Variants in E2F8 observed in about 807,000 individuals in gnomAD.
E2F8 encodes E2F transcription factor 8, also known as transcription factor E2F8.
E2F8 carries 35 observed loss-of-function variants against 80.8 expected under a neutral mutation model. The ratio of observed to expected loss-of-function variants is 0.43; its 90% CI spans 0.33 to 0.57. The LOEUF (loss-of-function observed/expected upper bound fraction) is 0.57. Ranked by LOEUF, E2F8 falls within the 20% of genes least tolerant of loss-of-function variation. The pLI is 0.04. For missense variants in E2F8, 975 were observed against 1,056.2 expected (o/e 0.92, Z 1.07); for synonymous variants, 386 against 395.0 (o/e 0.98, Z 0.27).
Position 19,225,794 on chromosome 11 carries a change from G to C in E2F8, c.1964C>G (p.Ser655Cys). Residue 655 changes from serine to cysteine, a missense_variant, in exon 11 of 13, where the codon TCT becomes TGT. Ser to Cys is a moderately radical substitution (Grantham distance 112). Coordinates refer to ENST00000250024, the MANE Select transcript of E2F8 (RefSeq NM_024680.4). ...AAGAGCACTTGAGTTTTCTTTACCA[G>C]ACAAAATGGACTCTGCCCCCAGGGA... Reference protein sequence around the residue: ...CSSLGAESILSGKENSSALSP... With the variant: ...CSSLGAESILCGKENSSALSP... The C allele has an allele frequency of 6.2e-7, 1 of 1,614,060 alleles. No individual in the cohort carries two copies. The highest frequency in any genetic ancestry group is 8.5e-7 in the Non-Finnish European group (1 of 1,180,004).
At chr11:19,230,501 C>A in intron 8 of E2F8, 130 bp downstream of exon 8, 1 of 1,229,040 alleles carries the variant, frequency 8.1e-7, no homozygotes, top group Non-Finnish European at 1.1e-6. Context: ...ATTAGTTAGG[C>A]TTCAAGAGGG....
chr11:19,230,323 T>C lies in E2F8; in HGVS notation c.1276A>G (p.Ser426Gly). 6.2e-7 allele frequency: 1 copy of C among 1,613,274 alleles called. No homozygotes were observed. The highest frequency in any genetic ancestry group is 1.1e-5 in the South Asian group (1 of 90,818). The change falls in exon 9 of 13, where the codon AGT becomes GGT. Residue 426 changes from serine (S) to glycine (G), a missense_variant. Physicochemically the swap from Ser to Gly is moderately conservative, Grantham distance 56. Transcript: ENST00000250024. ...GGGAAGGGTGCAGAATTCTGAGAAC[T>C]CTCAGCTGGTAAAATAGAAAGGAAG... Reference protein sequence around the residue: ...SSPIKTNKAESSQNSAPFPSK... With the variant: ...SSPIKTNKAEGSQNSAPFPSK...
intron 12 of E2F8, 92 bp from the exon 13 acceptor site, chr11:19,224,932 T>G: frequency 1.4e-5 from 20 of 1,436,296 alleles, no homozygotes; most frequent in Non-Finnish European, 1.9e-5. Flanking sequence ...GATGAATGTA[T>G]TGCACATTGG....
chr11:19,231,963 T>C (rs928342474), intron 7 of E2F8, among the ~76,000 whole-genome samples: 1 of 152,092 alleles, frequency 6.6e-6, no homozygotes, highest in African/African-American at 2.4e-5. Flanking sequence ...ATAAAGAAAA[T>C]GTGGTACATA....
Position 19,237,898 on chromosome 11 carries a change from A to G in E2F8, c.250T>C (p.Phe84Leu). 3.1e-6 allele frequency: 5 copies of G among 1,614,096 alleles called. No individual in the cohort carries two copies. Among genetic ancestry groups the G allele is most frequent in the Non-Finnish European group, 4.2e-6 (5 of 1,180,010 alleles). ...IRNRDQKRGL[F>L]DNRSGLPEAK... ...TCAGGTAATCCACTTCTGTTGTCAAACAAACCCCTTTTCTGATCTCTGTTG... is the reference window on the plus strand; with the variant it reads ...TCAGGTAATCCACTTCTGTTGTCAAGCAAACCCCTTTTCTGATCTCTGTTG... The change falls in exon 3 of 13, where the codon TTT (phenylalanine) becomes CTT (leucine). Residue 84 changes from phenylalanine (F) to leucine (L), a missense_variant. Phe to Leu is a conservative substitution (Grantham distance 22). Coordinates refer to ENST00000250024, the MANE Select transcript of E2F8 (RefSeq NM_024680.4).
chr11:19,225,099 T>A, intron 12 of E2F8, 122 bp downstream of exon 12: 11 of 1,397,262 alleles, frequency 7.9e-6, no homozygotes, highest in Non-Finnish European at 1.1e-5. Flanking sequence ...AGGCCTTCAA[T>A]CTCCTGACTT....
At chr11:19,233,497 C>CT (rs1028229347) in intron 6 of E2F8, among the ~76,000 whole-genome samples, 7 of 151,692 alleles carry the variant, frequency 4.6e-5, no homozygotes, top group Non-Finnish European at 7.4e-5. Context: ...CTAGTGTTTC[C>CT]TTTTTTTTGA....
chr11:19,235,571 C>T (rs1194456622), intron 4 of E2F8, among the ~76,000 whole-genome samples: 1 of 152,130 alleles, frequency 6.6e-6, no homozygotes, highest in East Asian at 1.9e-4. Flanking sequence ...ATGGTGTGAA[C>T]CCGGGAGGCG....
At position 19,225,492 on chromosome 11, in the gene E2F8, G is replaced by A; in HGVS notation, c.2150C>T (p.Ala717Val). The A allele has an allele frequency of 1.2e-6, 2 of 1,614,236 alleles. No individual in the cohort carries two copies. The highest frequency in any genetic ancestry group is 1.7e-6 in the Non-Finnish European group (2 of 1,180,046). ...GGGAACAGGGTGGCTTGAAGCGAGA[G>A]CCGGGCTGTTCCCGACAGGTACGGC... ...VAAVPVGNSP[A>V]LASSHPVPIQ... Residue 717 changes from alanine (A) to valine (V), a missense_variant, in exon 12 of 13, where the codon GCT becomes GTT. Transcript: ENST00000250024.
At position 19,225,403 on chromosome 11, in the gene E2F8, T is replaced by G; in HGVS notation, c.2239A>C (p.Asn747His). ...TLQHLGLISP[N>H]VQLSASPGSG... ...CCAGGGCTGGCAGACAACTGCACAT[T>G]GGGTGAGATGAGTCCCAGGTGCTGC... The change falls in exon 12 of 13, where the codon AAT becomes CAT. Residue 747 changes from asparagine to histidine, a missense_variant. Physicochemically the swap from Asn to His is moderately conservative, Grantham distance 68 (BLOSUM62 1). Transcript: ENST00000250024. 4 of 1,614,136 alleles carry G rather than the reference T, an allele frequency of 2.5e-6. No homozygotes were observed. Among genetic ancestry groups the G allele is most frequent in the Non-Finnish European group, 3.4e-6 (4 of 1,180,016 alleles).
chr11:19,239,193 C>T (rs1169720653), intron 2 of E2F8, among the ~76,000 whole-genome samples: 2 of 152,138 alleles, frequency 1.3e-5, no homozygotes, highest in Non-Finnish European at 2.9e-5. Context: ...TTCATGGAAT[C>T]CTGCATTCTT....
intron 10 of E2F8, among the ~76,000 whole-genome samples, chr11:19,227,013 A>G (rs1590122226): frequency 6.6e-6 from 1 of 152,234 alleles, no homozygotes; most frequent in East Asian, 1.9e-4. Context: ...TTTCCCAAAC[A>G]GAAAAAGTTT....
intron 2 of E2F8, among the ~76,000 whole-genome samples, 196 bp from the exon 3 acceptor site, chr11:19,238,328 C>T (rs895576058): frequency 3.9e-5 from 6 of 152,142 alleles, no homozygotes; most frequent in Admixed American, 6.5e-5. Context: ...TTACATTTCC[C>T]ATTTTTAATT....
At chr11:19,232,144 A>G in intron 7 of E2F8, 90 bp downstream of exon 7, 2 of 1,533,902 alleles carry the variant, frequency 1.3e-6, no homozygotes, top group East Asian at 2.3e-5. Flanking sequence ...ACATGGACAC[A>G]GGGAGGGGAA....
At chr11:19,233,542 C>A (rs1008140892) in intron 6 of E2F8, among the ~76,000 whole-genome samples, 3 of 152,078 alleles carry the variant, frequency 2.0e-5, no homozygotes, top group Non-Finnish European at 4.4e-5. Context: ...GGCTGGAGTG[C>A]AGTGGCGCGA....
intron 2 of E2F8, 29 bp from the exon 3 acceptor site, chr11:19,238,161 C>T: frequency 6.3e-7 from 1 of 1,581,536 alleles, no homozygotes; most frequent in Non-Finnish European, 8.6e-7. Flanking sequence ...ATAATTAAAT[C>T]CATGGTAAAA....
upstream of E2F8, chr11:19,240,973 C>G (rs1202288295): frequency 6.6e-6 from 1 of 152,648 alleles, no homozygotes; most frequent in Non-Finnish European, 1.5e-5. Flanking sequence ...CGGCCAAAGG[C>G]CCCTCCCCCA....
rs188613474 is a variant in E2F8, at chr11:19,235,424, G to A, written c.452-366C>T. On this transcript the variant is annotated intron_variant, in intron 4 of 12. Coordinates refer to ENST00000250024, the MANE Select transcript of E2F8 (RefSeq NM_024680.4). ...AGCACCTTGGGAGGCCGAGGAGGGC[G>A]GATCACGAGGTCAGGAGATGGAGAC... Among the ~76,000 whole-genome samples, 27 of 152,286 alleles carry A rather than the reference G, an allele frequency of 1.8e-4. No individual in the cohort carries two copies. In the East Asian group the frequency reaches 2.1e-3, roughly 12 times the overall value.
intron 1 of E2F8, 126 bp from the exon 2 acceptor site, chr11:19,240,356 AT>A: frequency 3.2e-6 from 1 of 314,632 alleles, no homozygotes; most frequent in Non-Finnish European, 5.9e-6. Flanking sequence ...CTAGATTTAC[AT>A]TTTATTCTCG....
Sources: allele counts gnomAD v4.1 joint callset (sites outside exome capture counted in the v4.1 genomes callset), GRCh38; gene constraint gnomAD v4.1.1; transcripts MANE v1.5; gene names NCBI Gene and HGNC (gene_info 2026-07-23, HGNC 2026-07-21).